The following CTNNA3 variants were observed in gnomAD, a reference collection of about 807,000 sequenced individuals.
The protein encoded by CTNNA3 is catenin alpha-3.
A neutral mutation model predicts 95.7 loss-of-function variants in CTNNA3; 76 were observed. That is an observed-to-expected ratio of 0.79 (90% CI 0.66 to 0.96). The LOEUF (loss-of-function observed/expected upper bound fraction) is 0.96, where lower values mean the gene tolerates loss of function less well. Among genes scored for constraint, CTNNA3 ranks in the 40% least tolerant of loss-of-function variants. The pLI is 0.00. For synonymous variants in CTNNA3, 431 were observed against 374.4 expected (o/e 1.15, Z -1.74); for missense variants, 1,191 against 1,089.8 (o/e 1.09, Z -1.31).
chr10:67,668,291 C>T (rs1235334033), intron 1 of CTNNA3, among the ~76,000 whole-genome samples: 1 of 152,114 alleles, frequency 6.6e-6, no homozygotes, highest in East Asian at 1.9e-4. Context: ...AAAATGCCTC[C>T]ATACACTATA....
intron 11 of CTNNA3, among the ~76,000 whole-genome samples, chr10:66,398,553 C>T (rs553864391): frequency 8.6e-5 from 13 of 151,910 alleles, no homozygotes; most frequent in African/African-American, 2.7e-4. Context: ...AGTGGACGTA[C>T]TGTAATGAGG....
intron 5 of CTNNA3, among the ~76,000 whole-genome samples, chr10:67,483,776 T>TAAAAAAAAAAAAAAAAAAAAAAAA (rs71468814): frequency 9.0e-6 from 1 of 110,856 alleles, no homozygotes; most frequent in Admixed American, 8.9e-5. Flanking sequence ...AAATAAAAAT[T>TAAAAAAAAAAAAAAAAAAAAAAAA]AAAAAAAAAA....
At chr10:66,481,910 T>A (rs993423698) in intron 11 of CTNNA3, among the ~76,000 whole-genome samples, 7 of 152,126 alleles carry the variant, frequency 4.6e-5, no homozygotes, top group Non-Finnish European at 8.8e-5. Flanking sequence ...GGTATTTGTA[T>A]ACCCATGTTA....
rs193145636 is a variant in CTNNA3 at position 67,349,137 on chromosome 10, A to G, written c.580-129267T>C. On this transcript the variant is annotated intron_variant, in intron 5 of 17. Coordinates refer to ENST00000433211, the MANE Select transcript of CTNNA3 (RefSeq NM_013266.4). Reference sequence around the variant, plus strand: ...CAAAATGGTATGGCCGCTATGGAAAACAACATGAAGTTTTTTTAAAAATTA... The same window carrying G: ...CAAAATGGTATGGCCGCTATGGAAAGCAACATGAAGTTTTTTTAAAAATTA... Among the ~76,000 whole-genome samples the G allele has an allele frequency of 2.7e-3, 415 of 152,302 alleles. 3 individuals are homozygous for G. Among genetic ancestry groups the G allele is most frequent in the African/African-American group, 9.6e-3 (400 of 41,580 alleles).
intron 3 of CTNNA3, among the ~76,000 whole-genome samples, chr10:67,566,061 A>ATATATATATATATATATATATATATATG (rs1184891307): frequency 3.2e-5 from 3 of 94,242 alleles, no homozygotes; most frequent in African/African-American, 1.2e-4. Flanking sequence ...ATATATATAT[A>ATATATATATATATATATATATATATATG]TATATATATA....
chr10:66,588,831 G>T (rs1843450330), intron 10 of CTNNA3, among the ~76,000 whole-genome samples: 1 of 151,990 alleles, frequency 6.6e-6, no homozygotes, highest in African/African-American at 2.4e-5. Flanking sequence ...GGATGGACAA[G>T]GCAAAAATTC....
chr10:67,449,093 C>T (rs1564657526), intron 5 of CTNNA3, among the ~76,000 whole-genome samples: 1 of 151,550 alleles, frequency 6.6e-6, no homozygotes, highest in Admixed American at 6.6e-5. Context: ...TGACACAAAA[C>T]GAATTAAAAA....
chr10:66,402,358 A>C (rs1419520643), intron 11 of CTNNA3, among the ~76,000 whole-genome samples: 1 of 151,756 alleles, frequency 6.6e-6, no homozygotes, highest in African/African-American at 2.4e-5. Flanking sequence ...GAGGAAAAAC[A>C]CTTTGTCTTC....
At chr10:66,937,997 T>C (rs931865768) in intron 7 of CTNNA3, among the ~76,000 whole-genome samples, 14 of 152,108 alleles carry the variant, frequency 9.2e-5, no homozygotes, top group African/African-American at 3.4e-4. Flanking sequence ...TTCTTTTCCT[T>C]CTTCTTCCAA....
rs1252483687 is a variant in CTNNA3 at position 66,181,353 on chromosome 10, AAC to A, written c.1885-78106_1885-78105del. 1.2e-4 allele frequency among the ~76,000 whole-genome samples: 18 copies of A among 152,342 alleles called. No individual in the cohort carries two copies. In the East Asian group the frequency reaches 1.5e-3, roughly 13 times the overall value. ...AATTGTCAGTTATTAAATAAAATGTAACACAGTTTCAGAACTTAAACTCTAAA... is the reference window on the plus strand; with the variant it reads ...AATTGTCAGTTATTAAATAAAATGTAACAGTTTCAGAACTTAAACTCTAAA... On this transcript the variant is annotated intron_variant, in intron 13 of 17. Coordinates refer to ENST00000433211, the MANE Select transcript of CTNNA3 (RefSeq NM_013266.4).
chr10:67,556,386 G>C (rs1298426756), intron 3 of CTNNA3, among the ~76,000 whole-genome samples: 3 of 152,112 alleles, frequency 2.0e-5, no homozygotes, highest in Non-Finnish European at 4.4e-5. Context: ...TCTGGTCCTG[G>C]AATTTTTTTG....
At chr10:66,242,634 A>G (rs555003200) in intron 13 of CTNNA3, among the ~76,000 whole-genome samples, 6 of 152,220 alleles carry the variant, frequency 3.9e-5, no homozygotes, top group Non-Finnish European at 7.3e-5. Context: ...TGATAACACT[A>G]AATGTTGACA....
chr10:67,459,453 C>G (rs1847295060), intron 5 of CTNNA3, among the ~76,000 whole-genome samples: 1 of 152,198 alleles, frequency 6.6e-6, no homozygotes, highest in African/African-American at 2.4e-5. Flanking sequence ...TGAAAACCAA[C>G]TTAAGCTTCT....
intron 5 of CTNNA3, among the ~76,000 whole-genome samples, chr10:67,459,373 T>C (rs1243953722): frequency 6.6e-6 from 1 of 152,220 alleles, no homozygotes. Flanking sequence ...TGGGGTAGGA[T>C]AATATCAGTG....
At chr10:66,274,059 C>T (rs1478267835) in intron 13 of CTNNA3, among the ~76,000 whole-genome samples, 9 of 151,880 alleles carry the variant, frequency 5.9e-5, no homozygotes, top group Admixed American at 6.6e-5. Context: ...GCAGGATTTT[C>T]GTAAAGGCTA....
At chr10:67,461,545 T>C (rs9664171) in intron 5 of CTNNA3, among the ~76,000 whole-genome samples, 18,702 of 152,120 alleles carry the variant, frequency 0.12, 2,502 homozygotes, top group African/African-American at 0.34. Flanking sequence ...ATCTCACTAT[T>C]TGCAATTTTC....
intron 14 of CTNNA3, among the ~76,000 whole-genome samples, chr10:66,098,237 T>C (rs888306086): frequency 6.6e-6 from 1 of 152,194 alleles, no homozygotes; most frequent in African/African-American, 2.4e-5. Flanking sequence ...ATGCTGGCTG[T>C]TGCAATAGTA....
intron 17 of CTNNA3, among the ~76,000 whole-genome samples, chr10:65,958,336 C>G (rs2077773937): frequency 6.6e-6 from 1 of 152,124 alleles, no homozygotes; most frequent in Admixed American, 6.5e-5. Flanking sequence ...CAAACATCCT[C>G]CTTTAGCTTG....
chr10:66,337,625 TG>T (rs1238357293), intron 12 of CTNNA3, among the ~76,000 whole-genome samples: 1 of 152,094 alleles, frequency 6.6e-6, no homozygotes, highest in African/African-American at 2.4e-5. Context: ...TTTAAAAACT[TG>T]TTGCATGAGC....
Sources: gnomAD v4.1 joint callset for allele counts (sites outside exome capture counted in the v4.1 genomes callset) on GRCh38, gnomAD v4.1.1 for gene constraint, MANE v1.5 for transcripts, NCBI Gene and HGNC (gene_info 2026-07-23, HGNC 2026-07-21) for gene names.